Variants in MYO1E observed in about 807,000 individuals in gnomAD.
MYO1E encodes the protein myosin IE.
Under a neutral mutation model 151.1 loss-of-function variants are expected in MYO1E, and 68 were observed. The ratio of observed to expected loss-of-function variants is 0.45; its 90% CI spans 0.37 to 0.55. The LOEUF is 0.55. Among genes scored for constraint, MYO1E ranks in the 20% least tolerant of loss-of-function variants. The pLI is 0.00. For missense variants in MYO1E, 1,363 were observed against 1,389.3 expected (o/e 0.98, Z 0.30); for synonymous variants, 601 against 501.7 (o/e 1.20, Z -2.64).
chr15:59,244,620 AAGC>A (rs2080119031), intron 4 of MYO1E, among the ~76,000 whole-genome samples: 1 of 152,144 alleles, frequency 6.6e-6, no homozygotes, highest in African/African-American at 2.4e-5. Context: ...TGCTGGCTCA[AAGC>A]AGCAGAGAAA....
chr15:59,147,830 T>C (rs2079451169), intron 26 of MYO1E, among the ~76,000 whole-genome samples: 1 of 152,062 alleles, frequency 6.6e-6, no homozygotes, highest in Non-Finnish European at 1.5e-5. Flanking sequence ...TCTCCCTGTC[T>C]GGTCTCCTTG....
rs180706071 is a variant in MYO1E, at chr15:59,223,925, C to A, written c.778-734G>T. Reference sequence around the variant, plus strand: ...CTGTTGATACCATTTTGTTTCCTGGCACCCAGGACACAGTCTGTTTGAACT... The same window carrying A: ...CTGTTGATACCATTTTGTTTCCTGGAACCCAGGACACAGTCTGTTTGAACT... On this transcript the variant is annotated intron_variant, in intron 8 of 27. Transcript: ENST00000288235. Among the ~76,000 whole-genome samples the A allele has an allele frequency of 3.2e-3, 480 of 152,332 alleles. 9 individuals are homozygous for A. Among genetic ancestry groups the A allele is most frequent in the Non-Finnish European group, 6.3e-4 (43 of 68,034 alleles).
intron 18 of MYO1E, among the ~76,000 whole-genome samples, chr15:59,181,451 CA>C (rs1409410135): frequency 6.6e-6 from 1 of 152,186 alleles, no homozygotes; most frequent in Non-Finnish European, 1.5e-5. Flanking sequence ...CTATTTGTAA[CA>C]GTTTTTTAAC....
rs766709830 is a variant in MYO1E at position 59,272,439 on chromosome 15, C to T, written c.14G>A (p.Gly5Asp). 6.2e-7 allele frequency: 1 copy of T among 1,614,190 alleles called. No individual in the cohort carries two copies. The highest frequency in any genetic ancestry group is 8.5e-7 in the Non-Finnish European group (1 of 1,180,012). Residue 5 changes from glycine to aspartate, a missense_variant, in exon 2 of 28, where the codon GGT becomes GAT. Physicochemically the swap from Gly to Asp is moderately conservative, Grantham distance 94. Coordinates refer to ENST00000288235, the MANE Select transcript of MYO1E (RefSeq NM_004998.4). ...GCTTTGCCAGTGGTACTGGTAGACA[C>T]CTTTGCTTCCCTGGGAACATAAAAC... Reference protein sequence around the residue: MGSKGVYQYHWQSHN... With the variant: MGSKDVYQYHWQSHN...
chr15:59,364,601 C>T (rs11639217), intron 1 of MYO1E, among the ~76,000 whole-genome samples: 109,827 of 152,082 alleles, frequency 0.72, 43,053 homozygotes, highest in Non-Finnish European at 0.88. Flanking sequence ...CCCATAATTA[C>T]AACCACATAA....
intron 3 of MYO1E, among the ~76,000 whole-genome samples, chr15:59,257,312 A>C (rs79509898): frequency 6.6e-6 from 1 of 152,034 alleles, no homozygotes; most frequent in African/African-American, 2.4e-5. Flanking sequence ...CACACACACA[A>C]ATTTAATTAG....
Position 59,207,704 on chromosome 15 carries a change from T to C in MYO1E, c.1530+977A>G, listed in dbSNP as rs1240798065. 6.2e-7 allele frequency: 1 copy of C among 1,614,142 alleles called. No homozygotes were observed. The highest frequency in any genetic ancestry group is 1.7e-5 in the Admixed American group (1 of 60,008). On this transcript the variant is annotated intron_variant, in intron 14 of 27. Transcript: ENST00000288235. ...GTTCCTGTGTGGAGTGGAGTGAACA[T>C]AGCTGGTGTCCCTTTGAAGGATCTG...
intron 26 of MYO1E, among the ~76,000 whole-genome samples, chr15:59,143,615 C>T (rs2079423929): frequency 6.6e-6 from 1 of 152,198 alleles, no homozygotes; most frequent in East Asian, 1.9e-4. Flanking sequence ...ATAAACTCCC[C>T]TCAACTCAGC....
rs745981217 is a variant in MYO1E, at chr15:59,163,121, T to G, written c.2627+36A>C. 6 of 1,612,100 alleles carry G rather than the reference T, an allele frequency of 3.7e-6. No individual in the cohort carries two copies. In the East Asian group the frequency reaches 1.1e-4, roughly 30 times the overall value. Reference sequence around the variant, plus strand: ...GGTGCGATCAAGACCCCTTTTTAGCTACACGCAGAAGTCTGGGTCCCAGAT... The same window carrying G: ...GGTGCGATCAAGACCCCTTTTTAGCGACACGCAGAAGTCTGGGTCCCAGAT... On this transcript the variant is annotated intron_variant, in intron 23 of 27. Coordinates refer to ENST00000288235, the MANE Select transcript of MYO1E (RefSeq NM_004998.4).
chr15:59,352,167 T>C (rs919962703), intron 1 of MYO1E, among the ~76,000 whole-genome samples: 3 of 152,186 alleles, frequency 2.0e-5, no homozygotes, highest in Non-Finnish European at 2.9e-5. Flanking sequence ...CCCTCCAGAA[T>C]TGTCCAGGAG....
chr15:59,336,181 G>T (rs1021582403), intron 1 of MYO1E, among the ~76,000 whole-genome samples: 1 of 152,050 alleles, frequency 6.6e-6, no homozygotes, highest in Non-Finnish European at 1.5e-5. Context: ...GACCAGCCTG[G>T]ACAACATGCC....
chr15:59,208,363 T>G, intron 14 of MYO1E: 1 of 555,462 alleles, frequency 1.8e-6, no homozygotes, highest in Non-Finnish European at 3.2e-6. Flanking sequence ...AAGTAGGATG[T>G]AGGTATTTAT....
intron 1 of MYO1E, among the ~76,000 whole-genome samples, chr15:59,318,643 T>G (rs1390576437): frequency 6.6e-6 from 1 of 152,186 alleles, no homozygotes; most frequent in Non-Finnish European, 1.5e-5. Context: ...TACTGCAGTT[T>G]GGGGGTAGAG....
intron 16 of MYO1E, among the ~76,000 whole-genome samples, chr15:59,200,994 T>A (rs2079798034): frequency 6.6e-6 from 1 of 152,330 alleles, no homozygotes; most frequent in East Asian, 1.9e-4. Context: ...ACTGAGGAAG[T>A]ATTCAGCTGG....
At chr15:59,202,122 T>C (rs1423343208) in intron 16 of MYO1E, among the ~76,000 whole-genome samples, 4 of 152,200 alleles carry the variant, frequency 2.6e-5, no homozygotes, top group African/African-American at 9.7e-5. Flanking sequence ...GTACTTAATA[T>C]CCATTTAAGG....
intron 16 of MYO1E, among the ~76,000 whole-genome samples, chr15:59,200,486 T>C (rs1596361942): frequency 6.7e-6 from 1 of 148,868 alleles, no homozygotes; most frequent in East Asian, 2.1e-4. Context: ...CAGAGGGCTC[T>C]ACCCTACAGC....
intron 26 of MYO1E, 68 bp downstream of exon 26, chr15:59,153,522 C>T: frequency 6.5e-7 from 1 of 1,547,180 alleles, no homozygotes; most frequent in Middle Eastern, 2.2e-4. Flanking sequence ...ACAGGAATCT[C>T]TGAACCCTTG....
At chr15:59,226,486 T>A (rs1456793433) in intron 7 of MYO1E, among the ~76,000 whole-genome samples, 4 of 152,348 alleles carry the variant, frequency 2.6e-5, no homozygotes, top group Non-Finnish European at 5.9e-5. Flanking sequence ...TTATATTTTT[T>A]AAGTACTTAA....
At chr15:59,224,975 G>C (rs1417120962) in intron 7 of MYO1E, 152 bp from the exon 8 acceptor site, 1 of 1,010,264 alleles carries the variant, frequency 9.9e-7, no homozygotes, top group Non-Finnish European at 1.5e-6. Context: ...ACTTGTAGTA[G>C]CCCCAGGTCA....
Sources: allele counts gnomAD v4.1 joint callset (sites outside exome capture counted in the v4.1 genomes callset), GRCh38; gene constraint gnomAD v4.1.1; transcripts MANE v1.5; gene names NCBI Gene and HGNC (gene_info 2026-07-23, HGNC 2026-07-21).